The following DENND2C variants were observed in gnomAD, a reference collection of about 807,000 sequenced individuals.
The protein encoded by DENND2C is DENN domain containing 2C, also known as DENN domain-containing protein 2C.
DENND2C carries 72 observed loss-of-function variants against 112.4 expected under a neutral mutation model. That is an observed-to-expected ratio of 0.64 (90% CI 0.53 to 0.78). DENND2C has a LOEUF of 0.78. Ranked by LOEUF, DENND2C falls within the 30% of genes least tolerant of loss-of-function variation. DENND2C has a pLI of 0.00. For missense variants in DENND2C, 992 were observed against 1,113.8 expected (o/e 0.89, Z 1.56); for synonymous variants, 329 against 381.6 (o/e 0.86, Z 1.61).
At chr1:114,639,307 G>A (rs1423847651) in intron 3 of DENND2C, among the ~76,000 whole-genome samples, 2 of 152,082 alleles carry the variant, frequency 1.3e-5, no homozygotes, top group East Asian at 1.9e-4. Context: ...TTGGCCAGGC[G>A]CGGTGGCTCA....
Position 114,662,804 on chromosome 1 carries a change from T to A in DENND2C, c.-574+7179A>T, listed in dbSNP as rs554376714. Reference sequence around the variant, plus strand: ...GACCCCATCTCTACAAAAAGTTTTTTAAAAAATTAGCCAGTCTTGGTGGCG... The same window carrying A: ...GACCCCATCTCTACAAAAAGTTTTTAAAAAAATTAGCCAGTCTTGGTGGCG... On this transcript the variant is annotated intron_variant, in intron 1 of 20. Coordinates refer to ENST00000393274, the MANE Select transcript of DENND2C (RefSeq NM_001256404.2). Among the ~76,000 whole-genome samples, 14 of 152,084 alleles carry A rather than the reference T, an allele frequency of 9.2e-5. 1 individual carries two copies. The highest frequency in any genetic ancestry group is 2.1e-4 in the South Asian group (1 of 4,802).
At position 114,587,575 on chromosome 1, in the gene DENND2C, A is replaced by G. The variant is rs559174040; in HGVS notation, c.2669-102T>C. 3.4e-6 allele frequency: 5 copies of G among 1,452,514 alleles called. No homozygotes were observed. In the African/African-American group the frequency reaches 5.7e-5, roughly 16 times the overall value. 90.0% of individuals were successfully genotyped at this position (1,452,514 alleles called of 1,614,324 possible). On this transcript the variant is annotated intron_variant, in intron 19 of 20. Transcript: ENST00000393274. ...CCAGTGTATTATTTCCAGGGCTAAA[A>G]CAATATTACAAAATAATTCTCATAA...
chr1:114,596,613 AT>A (rs1381758630), intron 16 of DENND2C, among the ~76,000 whole-genome samples: 1 of 152,162 alleles, frequency 6.6e-6, no homozygotes, highest in Non-Finnish European at 1.5e-5. Context: ...CCTTCAAAAT[AT>A]TATGGGAAAG....
At chr1:114,646,223 G>A (rs1244612524) in intron 2 of DENND2C, among the ~76,000 whole-genome samples, 1 of 151,994 alleles carries the variant, frequency 6.6e-6, no homozygotes, top group African/African-American at 2.4e-5. Context: ...CACTGCGCCC[G>A]GCCTGTTATT....
chr1:114,601,415 A>G (rs1289898326), intron 13 of DENND2C, 93 bp downstream of exon 13: 3 of 1,277,242 alleles, frequency 2.3e-6, no homozygotes, highest in Non-Finnish European at 3.3e-6. Context: ...ACTAATAGGG[A>G]ACCTTTCTGA....
chr1:114,623,174 G>A, intron 5 of DENND2C, 75 bp from the exon 6 acceptor site: 1 of 1,371,088 alleles, frequency 7.3e-7, no homozygotes, highest in Admixed American at 2.2e-5. Context: ...GCAAAAGAAA[G>A]AAAAAGCTAA....
chr1:114,649,570 G>A (rs556841124), intron 2 of DENND2C, among the ~76,000 whole-genome samples: 1 of 151,976 alleles, frequency 6.6e-6, no homozygotes, highest in Admixed American at 6.6e-5. Flanking sequence ...TAGAGACAGG[G>A]TCTCGCTGTG....
intron 1 of DENND2C, among the ~76,000 whole-genome samples, chr1:114,659,790 TC>T: frequency 7.6e-6 from 1 of 130,934 alleles, no homozygotes; most frequent in South Asian, 2.8e-4. Flanking sequence ...CTTCCCTCCC[TC>T]CCTCCCTCCC....
At chr1:114,591,421 G>A (rs1273036010) in intron 18 of DENND2C, among the ~76,000 whole-genome samples, 1 of 151,966 alleles carries the variant, frequency 6.6e-6, no homozygotes. Context: ...TTGAATGTTT[G>A]TTCCTATCTT....
intron 3 of DENND2C, among the ~76,000 whole-genome samples, chr1:114,642,028 C>T (rs1370069274): frequency 6.6e-6 from 1 of 152,142 alleles, no homozygotes; most frequent in African/African-American, 2.4e-5. Flanking sequence ...TCTCAGCACA[C>T]TGCAACCTCT....
intron 8 of DENND2C, among the ~76,000 whole-genome samples, chr1:114,612,433 C>T (rs1475256035): frequency 6.6e-6 from 1 of 150,712 alleles, no homozygotes; most frequent in Non-Finnish European, 1.5e-5. Flanking sequence ...CTCACTGCAA[C>T]CTCTGCCTCC....
intron 1 of DENND2C, among the ~76,000 whole-genome samples, chr1:114,659,429 G>A (rs112195383): frequency 0.048 from 7,312 of 152,174 alleles, 197 homozygotes; most frequent in Middle Eastern, 0.065. Flanking sequence ...TTGAACCCAG[G>A]AGGCAGAGGT....
At chr1:114,598,366 A>G (rs1256636809) in intron 16 of DENND2C, among the ~76,000 whole-genome samples, 1 of 152,236 alleles carries the variant, frequency 6.6e-6, no homozygotes, top group African/African-American at 2.4e-5. Context: ...GAAGCCAGGC[A>G]AAAATATATA....
At chr1:114,633,417 G>A (rs1656548992) in intron 3 of DENND2C, among the ~76,000 whole-genome samples, 1 of 125,214 alleles carries the variant, frequency 8.0e-6, no homozygotes. Context: ...TCCAGCTTGG[G>A]CAACAGAGTG....
chr1:114,635,771 C>G (rs529836662), intron 3 of DENND2C, among the ~76,000 whole-genome samples: 1 of 152,252 alleles, frequency 6.6e-6, no homozygotes, highest in African/African-American at 2.4e-5. Flanking sequence ...ATTTGGGAGG[C>G]TGAGGAGGGC....
At chr1:114,647,513 T>C (rs995624905) in intron 2 of DENND2C, among the ~76,000 whole-genome samples, 2 of 152,218 alleles carry the variant, frequency 1.3e-5, no homozygotes, top group Non-Finnish European at 2.9e-5. Flanking sequence ...TCAAGCCATT[T>C]AGTTGGCTTC....
intron 8 of DENND2C, among the ~76,000 whole-genome samples, chr1:114,617,884 T>C (rs2101660618): frequency 6.6e-6 from 1 of 152,314 alleles, no homozygotes; most frequent in South Asian, 2.1e-4. Flanking sequence ...TATTTGTTCA[T>C]CCAATAGTTA....
intron 10 of DENND2C, among the ~76,000 whole-genome samples, chr1:114,606,550 G>T (rs1231033974): frequency 1.3e-5 from 2 of 152,140 alleles, no homozygotes; most frequent in African/African-American, 4.8e-5. Flanking sequence ...CCTATTAAAG[G>T]GATCACTCCT....
chr1:114,616,471 T>C (rs1242287313), intron 8 of DENND2C, among the ~76,000 whole-genome samples: 1 of 152,180 alleles, frequency 6.6e-6, no homozygotes, highest in Non-Finnish European at 1.5e-5. Flanking sequence ...ATGACTTAGC[T>C]GGTGTTTCTC....
Sources: allele counts gnomAD v4.1 joint callset (sites outside exome capture counted in the v4.1 genomes callset), GRCh38; gene constraint gnomAD v4.1.1; transcripts MANE v1.5; gene names NCBI Gene and HGNC (gene_info 2026-07-23, HGNC 2026-07-21).